Variants in ITGA9 observed in about 807,000 individuals in gnomAD.
The protein encoded by ITGA9 is integrin alpha-9.
ITGA9 carries 56 observed loss-of-function variants against 127.8 expected under a neutral mutation model. That is an observed-to-expected ratio of 0.44 (90% CI 0.35 to 0.55). ITGA9 has a LOEUF of 0.55. ITGA9 is among the 20% of genes least tolerant of loss of function. ITGA9 has a pLI of 0.00. For synonymous variants in ITGA9, 508 were observed against 514.5 expected, an observed-to-expected ratio of 0.99 and a Z score of 0.17; for missense variants, 1,196 against 1,347.1, an observed-to-expected ratio of 0.89 and a Z score of 1.76.
intron 3 of ITGA9, 115 bp downstream of exon 3, chr3:37,473,575 G>A (rs1264194964): frequency 4.6e-6 from 3 of 658,674 alleles, no homozygotes; most frequent in Non-Finnish European, 5.4e-6. Flanking sequence ...TGCTTATTCT[G>A]GACTACTGCT....
chr3:37,536,116 C>T (rs1340357064), intron 14 of ITGA9, among the ~76,000 whole-genome samples: 1 of 152,192 alleles, frequency 6.6e-6, no homozygotes, highest in Non-Finnish European at 1.5e-5. Flanking sequence ...GAAAGATGGG[C>T]ACTTCCAGGA....
chr3:37,756,407 A>G (rs1696653165), intron 23 of ITGA9, among the ~76,000 whole-genome samples: 1 of 152,212 alleles, frequency 6.6e-6, no homozygotes, highest in Non-Finnish European at 1.5e-5. Flanking sequence ...AAGAAAATTT[A>G]TTGCTTTCCC....
At chr3:37,773,023 C>T (rs1219285601) in intron 23 of ITGA9, among the ~76,000 whole-genome samples, 1 of 152,214 alleles carries the variant, frequency 6.6e-6, no homozygotes, top group Non-Finnish European at 1.5e-5. Context: ...GTTTCTCACT[C>T]GCTTGCCCTG....
intron 25 of ITGA9, among the ~76,000 whole-genome samples, chr3:37,782,495 G>A (rs1696986624): frequency 6.6e-6 from 1 of 152,230 alleles, no homozygotes; most frequent in African/African-American, 2.4e-5. Context: ...GGTGTCATAT[G>A]AAGCCTTCAA....
In ITGA9 at chr3:37,479,969, G is replaced by A. The variant is rs1698535553; in HGVS notation, c.421-1515G>A. ...ACTTACGAAAACAATGCGTTTGAGG[G>A]AGGCAAACCAAGATGTTAAAAACTG... On this transcript the variant is annotated intron_variant, in intron 3 of 27. Transcript: ENST00000264741. Among the ~76,000 whole-genome samples, 3 of 152,254 alleles carry A rather than the reference G, an allele frequency of 2.0e-5. No individual in the cohort carries two copies. In the South Asian group the frequency reaches 6.2e-4, roughly 32 times the overall value.
At chr3:37,660,222 G>A (rs1370776279) in intron 17 of ITGA9, among the ~76,000 whole-genome samples, 1 of 152,090 alleles carries the variant, frequency 6.6e-6, no homozygotes, top group African/African-American at 2.4e-5. Context: ...TCATAAATTT[G>A]CAGCTCATTA....
chr3:37,571,287 G>A (rs543637993), intron 15 of ITGA9, among the ~76,000 whole-genome samples: 1 of 152,312 alleles, frequency 6.6e-6, no homozygotes, highest in South Asian at 2.1e-4. Context: ...GAAGCTCGGA[G>A]TCTCACAAAA....
intron 16 of ITGA9, among the ~76,000 whole-genome samples, chr3:37,632,336 A>C (rs933278825): frequency 2.6e-5 from 4 of 152,204 alleles, no homozygotes; most frequent in African/African-American, 9.6e-5. Flanking sequence ...TGTTCTTAAA[A>C]ATTAAAAATA....
chr3:37,770,470 G>C (rs1362785203), intron 23 of ITGA9, among the ~76,000 whole-genome samples: 1 of 152,104 alleles, frequency 6.6e-6, no homozygotes, highest in African/African-American at 2.4e-5. Flanking sequence ...CTCTTGCTCT[G>C]AGTCAACAGA....
chr3:37,726,275 A>G (rs1312960552), intron 18 of ITGA9, among the ~76,000 whole-genome samples: 1 of 152,226 alleles, frequency 6.6e-6, no homozygotes, highest in African/African-American at 2.4e-5. Context: ...TCTTAGAGGA[A>G]CACAAATTGC....
At chr3:37,784,859 A>G in intron 25 of ITGA9, 118 bp from the exon 26 acceptor site, 1 of 786,668 alleles carries the variant, frequency 1.3e-6, no homozygotes, top group African/African-American at 1.7e-5. Flanking sequence ...TAGTTCAATG[A>G]TAAAATTTTT....
At position 37,471,131 on chromosome 3, in the gene ITGA9, C is replaced by T. The variant is rs371914464; in HGVS notation, c.310C>T (p.Arg104Ter). ...DRRCTELDMARGKNRGTSCGK... is the reference protein window; with the variant it reads ...DRRCTELDMA ...GAGATGCACCGAACTGGACATGGCT[C>T]GAGGTGGGTGACCATTACTGCTGTG... The change falls in exon 2 of 28, where the codon CGA (arginine) becomes TGA (stop). Residue 104 changes from arginine to a stop codon, truncating the protein, a stop_gained. Transcript: ENST00000264741. LOFTEE classifies it high-confidence loss of function. The T allele has an allele frequency of 3.1e-6, 5 of 1,613,818 alleles. No homozygotes were observed. The highest frequency in any genetic ancestry group is 3.4e-6 in the Non-Finnish European group (4 of 1,179,942).
intron 23 of ITGA9, among the ~76,000 whole-genome samples, chr3:37,750,875 A>ATGCATTTTGCTGAG (rs1351571840): frequency 6.6e-6 from 1 of 152,262 alleles, no homozygotes; most frequent in African/African-American, 2.4e-5. Flanking sequence ...ATGCGTCTGA[A>ATGCATTTTGCTGAG]TGCATTTTGC....
chr3:37,773,058 C>T (rs1427420028), intron 23 of ITGA9, among the ~76,000 whole-genome samples: 1 of 152,202 alleles, frequency 6.6e-6, no homozygotes, highest in East Asian at 1.9e-4. Flanking sequence ...CTGCCCCTCT[C>T]CGCTGGCGTC....
chr3:37,453,654 A>G (rs1366158071), intron 1 of ITGA9, among the ~76,000 whole-genome samples: 2 of 152,106 alleles, frequency 1.3e-5, no homozygotes, highest in Non-Finnish European at 2.9e-5. Context: ...GAGCGTCCTT[A>G]GGGGTGGCAG....
intron 16 of ITGA9, among the ~76,000 whole-genome samples, chr3:37,644,669 A>C (rs1017558034): frequency 2.0e-5 from 3 of 152,248 alleles, no homozygotes; most frequent in Admixed American, 6.5e-5. Flanking sequence ...CCAAGATAGC[A>C]GAACTTGTCA....
chr3:37,812,591 T>C (rs1434155368), intron 27 of ITGA9, among the ~76,000 whole-genome samples: 1 of 152,220 alleles, frequency 6.6e-6, no homozygotes, highest in African/African-American at 2.4e-5. Context: ...GATACATGGT[T>C]ATATGAGAAA....
rs575035586 is a variant in ITGA9, at chr3:37,629,442, C to T, written c.1839+106C>T. On this transcript the variant is annotated intron_variant, in intron 16 of 27. Transcript: ENST00000264741. This position sits in a 1 kb window ranked among gnomAD's most constrained non-coding sequence, Gnocchi z 4.5. ...CCGTGGGCCTGGCTGCTCAGGAGAC[C>T]GCAGCCAGGACACACCTCCTCTCTG... The T allele has an allele frequency of 7.9e-5, 98 of 1,233,320 alleles. No homozygotes were observed. The highest frequency in any genetic ancestry group is 4.5e-4 in the Middle Eastern group (2 of 4,462). 76.4% of individuals were successfully genotyped at this position (1,233,320 alleles called of 1,614,324 possible). A position where few individuals can be genotyped will look rare whatever the true frequency, so the allele number is the denominator to read the frequency against.
intron 15 of ITGA9, among the ~76,000 whole-genome samples, chr3:37,544,669 AT>A (rs145386458): frequency 0.036 from 5,508 of 152,166 alleles, 300 homozygotes; most frequent in South Asian, 0.2. Flanking sequence ...TGACGTGATT[AT>A]TTTGGTCATT....
Sources: allele counts gnomAD v4.1 joint callset (sites outside exome capture counted in the v4.1 genomes callset), GRCh38; gene constraint gnomAD v4.1.1; non-coding constraint Gnocchi (gnomAD v3.1); transcripts MANE v1.5; gene names NCBI Gene and HGNC (gene_info 2026-07-23, HGNC 2026-07-21).